OPCML: variants seen among roughly 807,000 people sequenced by gnomAD.
OPCML encodes opioid-binding protein/cell adhesion molecule.
In OPCML, 13 loss-of-function variants were observed where a neutral mutation model predicts 37.8. The ratio of observed to expected loss-of-function variants is 0.34; its 90% CI spans 0.22 to 0.55. The LOEUF (loss-of-function observed/expected upper bound fraction) is 0.55. OPCML is among the 20% of genes least tolerant of loss of function. The pLI, the probability that OPCML is intolerant of heterozygous loss-of-function variation, is 0.91. For synonymous variants in OPCML, 176 were observed against 168.8 expected, an observed-to-expected ratio of 1.04 and a Z score of -0.33; for missense variants, 341 against 435.6, an observed-to-expected ratio of 0.78 and a Z score of 1.93.
intron 1 of OPCML, among the ~76,000 whole-genome samples, chr11:132,960,278 T>A (rs772053979): frequency 6.6e-6 from 1 of 152,214 alleles, no homozygotes; most frequent in Non-Finnish European, 1.5e-5. Context: ...AGAGTCAAGA[T>A]GTCCCTCGAA....
chr11:132,990,016 A>G (rs1946747626), intron 1 of OPCML, among the ~76,000 whole-genome samples: 1 of 152,196 alleles, frequency 6.6e-6, no homozygotes, highest in African/African-American at 2.4e-5. Context: ...AGAAGGGCTG[A>G]AGTTCACTGA....
At chr11:132,753,814 T>C (rs1469408103) in intron 2 of OPCML, among the ~76,000 whole-genome samples, 18 of 152,190 alleles carry the variant, frequency 1.2e-4, no homozygotes, top group Admixed American at 1.1e-3. Flanking sequence ...TGAGCCAAAA[T>C]ATATTACAGG....
intron 4 of OPCML, among the ~76,000 whole-genome samples, chr11:132,480,473 A>C (rs971588737): frequency 2.0e-5 from 3 of 152,226 alleles, no homozygotes; most frequent in African/African-American, 7.2e-5. Context: ...GAACTTCCCC[A>C]ATCTAGCAAG....
At chr11:132,817,379 A>C (rs1383243988) in intron 2 of OPCML, among the ~76,000 whole-genome samples, 1 of 152,054 alleles carries the variant, frequency 6.6e-6, no homozygotes, top group African/African-American at 2.4e-5. Flanking sequence ...ATTCCAAATA[A>C]ATTTTCTTTG....
At chr11:133,312,283 C>G (rs543063245) in intron 1 of OPCML, among the ~76,000 whole-genome samples, 3 of 152,152 alleles carry the variant, frequency 2.0e-5, no homozygotes, top group African/African-American at 7.2e-5. Flanking sequence ...TGCTTCCCCC[C>G]AAAAGAAAGA....
At chr11:132,541,747 T>C (rs2096357173) in intron 3 of OPCML, among the ~76,000 whole-genome samples, 1 of 152,158 alleles carries the variant, frequency 6.6e-6, no homozygotes, top group African/African-American at 2.4e-5. Context: ...GTGTCTCCCA[T>C]TGACTGACTG....
At chr11:132,636,855 T>C (rs1376812239) in intron 3 of OPCML, among the ~76,000 whole-genome samples, 1 of 152,174 alleles carries the variant, frequency 6.6e-6, no homozygotes, top group African/African-American at 2.4e-5. Context: ...TAAATATTTT[T>C]CCCTTCTCTT....
At chr11:132,923,079 A>AAAAT (rs71477781) in intron 2 of OPCML, among the ~76,000 whole-genome samples, 6,772 of 146,032 alleles carry the variant, frequency 0.046, 538 homozygotes, top group African/African-American at 0.16. Flanking sequence ...GTCTCAGAAA[A>AAAAT]AAATAAATAA....
chr11:132,484,453 C>T (rs1399292526), intron 4 of OPCML, among the ~76,000 whole-genome samples: 1 of 152,174 alleles, frequency 6.6e-6, no homozygotes, highest in Non-Finnish European at 1.5e-5. Flanking sequence ...AATAGGAACA[C>T]TTTTACACTG....
intron 1 of OPCML, among the ~76,000 whole-genome samples, chr11:133,027,422 A>C (rs1947574631): frequency 6.6e-6 from 1 of 152,082 alleles, no homozygotes; most frequent in African/African-American, 2.4e-5. Flanking sequence ...AGCAAAAATA[A>C]AGAAATAGTC....
intron 3 of OPCML, among the ~76,000 whole-genome samples, chr11:132,608,664 G>A (rs1938452349): frequency 6.6e-6 from 1 of 152,164 alleles, no homozygotes; most frequent in South Asian, 2.1e-4. Flanking sequence ...ATAATCAATG[G>A]TAATAATATA....
intron 1 of OPCML, chr11:133,421,499 A>G: frequency 1.0e-6 from 1 of 985,430 alleles, no homozygotes; most frequent in Non-Finnish European, 1.2e-6. Context: ...CAACACTTTA[A>G]TTATTTTTCC....
intron 1 of OPCML, among the ~76,000 whole-genome samples, chr11:133,503,006 T>G (rs576505873): frequency 6.6e-6 from 1 of 152,292 alleles, no homozygotes; most frequent in African/African-American, 2.4e-5. Flanking sequence ...TGAACTAAAC[T>G]TCCCTTCTCC....
intron 1 of OPCML, among the ~76,000 whole-genome samples, chr11:133,390,602 G>GA (rs921087928): frequency 6.6e-6 from 1 of 152,148 alleles, no homozygotes; most frequent in Admixed American, 6.5e-5. Flanking sequence ...GAGTACCAGG[G>GA]AAACAGTCTT....
At chr11:132,825,851 A>T (rs1025135478) in intron 2 of OPCML, among the ~76,000 whole-genome samples, 2 of 152,158 alleles carry the variant, frequency 1.3e-5, no homozygotes, top group African/African-American at 4.8e-5. Flanking sequence ...AAAGCTAAGG[A>T]ATATGCCCCT....
intron 1 of OPCML, among the ~76,000 whole-genome samples, chr11:133,161,568 G>T (rs549515760): frequency 2.0e-5 from 3 of 152,196 alleles, no homozygotes; most frequent in Admixed American, 6.5e-5. Flanking sequence ...AGAGGATCCC[G>T]AAGAGTTCTG....
At chr11:133,185,795 C>G (rs538986037) in intron 1 of OPCML, among the ~76,000 whole-genome samples, 88 of 152,244 alleles carry the variant, frequency 5.8e-4, no homozygotes, top group Admixed American at 1.2e-3. Flanking sequence ...CATTTTCCCA[C>G]CATGACTTGA....
intron 3 of OPCML, among the ~76,000 whole-genome samples, chr11:132,586,803 G>A (rs534453666): frequency 2.0e-5 from 3 of 152,230 alleles, no homozygotes; most frequent in South Asian, 2.1e-4. Flanking sequence ...ACTCAGAGGT[G>A]TATGATATCA....
At chr11:133,002,389 C>G (rs1181409448) in intron 1 of OPCML, among the ~76,000 whole-genome samples, 1 of 152,162 alleles carries the variant, frequency 6.6e-6, no homozygotes, top group African/African-American at 2.4e-5. Context: ...GGTGAGAATG[C>G]CTTTTCAGTT....
Sources: allele counts gnomAD v4.1 joint callset (sites outside exome capture counted in the v4.1 genomes callset), GRCh38; gene constraint gnomAD v4.1.1; transcripts MANE v1.5; gene names NCBI Gene and HGNC (gene_info 2026-07-23, HGNC 2026-07-21).